The following CSNK1A1 variants were observed in gnomAD, a reference collection of about 807,000 sequenced individuals.
CSNK1A1 encodes casein kinase 1 alpha 1.
In CSNK1A1, 7 loss-of-function variants were observed where a neutral mutation model predicts 46.1. The ratio of observed to expected loss-of-function variants is 0.15; its 90% CI spans 0.09 to 0.29. The LOEUF (loss-of-function observed/expected upper bound fraction) is 0.29, where lower values mean the gene tolerates loss of function less well. Ranked by LOEUF, CSNK1A1 falls within the 10% of genes least tolerant of loss-of-function variation. The pLI, the probability that CSNK1A1 is intolerant of heterozygous loss-of-function variation, is 1.00. For missense variants in CSNK1A1, 96 were observed against 417.1 expected, an observed-to-expected ratio of 0.23 and a Z score of 6.71; for synonymous variants, 137 against 141.5, an observed-to-expected ratio of 0.97 and a Z score of 0.23.
At position 149,550,289 on chromosome 5, in the gene CSNK1A1, G is replaced by A. The variant is rs541391716; in HGVS notation, c.124-108C>T. 16 of 1,500,278 alleles carry A rather than the reference G, an allele frequency of 1.1e-5. No homozygotes were observed. The highest frequency in any genetic ancestry group is 4.7e-5 in the East Asian group (2 of 42,510). The allele number at this position is 1,500,278 out of a possible 1,614,324, so 92.9% of individuals were successfully genotyped here. On this transcript the variant is annotated intron_variant, in intron 1 of 9. Transcript: ENST00000377843. This position sits in a 1 kb window ranked among gnomAD's most constrained non-coding sequence, Gnocchi z 4.3. Reference sequence around the variant, plus strand: ...CTCCAAGTCGCGACTACAAGAAGAAGTGAAAAGCTGGAAAGAGAAAGCTCT... The same window carrying A: ...CTCCAAGTCGCGACTACAAGAAGAAATGAAAAGCTGGAAAGAGAAAGCTCT...
rs1330579942 is a variant in CSNK1A1 at position 149,542,688 on chromosome 5, ATATATTT to A, written c.230+7380_230+7386del. Among the ~76,000 whole-genome samples, 6 of 20,208 alleles carry A rather than the reference ATATATTT, an allele frequency of 3.0e-4. 1 individual carries two copies. Among genetic ancestry groups the A allele is most frequent in the South Asian group, 2.1e-3 (1 of 484 alleles). The allele number at this position is 20,208 out of a possible 152,430, so 13.3% of individuals were successfully genotyped here. On this transcript the variant is annotated intron_variant, in intron 2 of 9. Coordinates refer to ENST00000377843, the MANE Select transcript of CSNK1A1 (RefSeq NM_001892.6). ...TATATATATGTATATATATATATAT[ATATATTT>A]TTTTTTTTTTTTTTTTTTGAGACAG...
chr5:149,542,306 G>A (rs948923637), intron 2 of CSNK1A1, among the ~76,000 whole-genome samples: 3 of 151,806 alleles, frequency 2.0e-5, no homozygotes, highest in African/African-American at 4.8e-5. Flanking sequence ...AGCAAGCCCA[G>A]GGCTCCCATT....
chr5:149,544,129 A>T lies in CSNK1A1; in HGVS notation c.230+5946T>A, dbSNP rs913055238. 2.8e-4 allele frequency among the ~76,000 whole-genome samples: 43 copies of T among 152,336 alleles called. 1 individual carries two copies. The highest frequency in any genetic ancestry group is 9.9e-4 in the African/African-American group (41 of 41,586). ...CCCTACCCAAAAGCTCAGTATGCAAAGGCAAATGGAAATGAGTATTTAGCT... is the reference window on the plus strand; with the variant it reads ...CCCTACCCAAAAGCTCAGTATGCAATGGCAAATGGAAATGAGTATTTAGCT... On this transcript the variant is annotated intron_variant, in intron 2 of 9. Transcript: ENST00000377843.
chr5:149,503,991 CTGTT>C (rs776071962), intron 9 of CSNK1A1: 5 of 985,434 alleles, frequency 5.1e-6, no homozygotes, highest in Non-Finnish European at 3.6e-6. Flanking sequence ...GTTAGAGACT[CTGTT>C]TGGTCTTACC....
At chr5:149,520,681 T>A (rs1234992223) in intron 3 of CSNK1A1, among the ~76,000 whole-genome samples, 1 of 152,194 alleles carries the variant, frequency 6.6e-6, no homozygotes, top group Non-Finnish European at 1.5e-5. Flanking sequence ...AAGGAATACC[T>A]GTATAATAGT....
At chr5:149,539,563 T>C (rs1304787475) in intron 2 of CSNK1A1, among the ~76,000 whole-genome samples, 4 of 151,990 alleles carry the variant, frequency 2.6e-5, no homozygotes, top group African/African-American at 9.7e-5. Flanking sequence ...AAAGCAAAAA[T>C]TATTGTTATT....
chr5:149,539,582 ATATAC>A (rs1435626396), intron 2 of CSNK1A1, among the ~76,000 whole-genome samples: 1 of 152,132 alleles, frequency 6.6e-6, no homozygotes, highest in East Asian at 1.9e-4. Flanking sequence ...TTAATTATTA[ATATAC>A]TATATTTTGG....
chr5:149,503,976 C>G (rs1395406637), intron 9 of CSNK1A1: 1 of 985,256 alleles, frequency 1.0e-6, no homozygotes, highest in East Asian at 1.1e-4. Context: ...GTAACAAGTC[C>G]TTGGGTTAGA....
At chr5:149,523,246 G>C (rs1368128236) in intron 3 of CSNK1A1, among the ~76,000 whole-genome samples, 6 of 152,030 alleles carry the variant, frequency 3.9e-5, no homozygotes, top group African/African-American at 1.5e-4. Context: ...CACTATGTTG[G>C]CCAGGCTGGT....
At chr5:149,506,815 T>G (rs114688286) in intron 8 of CSNK1A1, among the ~76,000 whole-genome samples, 3,673 of 152,332 alleles carry the variant, frequency 0.024, 75 homozygotes, top group East Asian at 0.09. Context: ...TTGAGTATGA[T>G]TCAACTCTCT....
chr5:149,506,601 C>A lies in CSNK1A1; in HGVS notation c.857+426G>T, dbSNP rs61411011. Among the ~76,000 whole-genome samples, 333 of 152,200 alleles carry A rather than the reference C, an allele frequency of 2.2e-3. 1 individual carries two copies. Among genetic ancestry groups the A allele is most frequent in the African/African-American group, 7.2e-3 (301 of 41,532 alleles). Reference sequence around the variant, plus strand: ...GAGCCACATGTAATCTATTCCCCCCCCTTTTTCAAGACCAGTTCTGGGTTG... The same window carrying A: ...GAGCCACATGTAATCTATTCCCCCCACTTTTTCAAGACCAGTTCTGGGTTG... On this transcript the variant is annotated intron_variant, in intron 8 of 9. Transcript: ENST00000377843.
intron 9 of CSNK1A1, chr5:149,499,210 A>G (rs1227148432): frequency 1.0e-6 from 1 of 983,248 alleles, no homozygotes; most frequent in African/African-American, 1.8e-5. Context: ...CTTGCAGATT[A>G]GGTGGCTCAT....
At chr5:149,499,210 AG>A (rs1350379502) in intron 9 of CSNK1A1, 36 of 983,248 alleles carry the variant, frequency 3.7e-5, no homozygotes, top group Non-Finnish European at 4.2e-5. Context: ...CTTGCAGATT[AG>A]GTGGCTCATC....
intron 4 of CSNK1A1, among the ~76,000 whole-genome samples, chr5:149,514,631 A>C (rs1761343141): frequency 6.6e-6 from 1 of 152,142 alleles, no homozygotes; most frequent in Admixed American, 6.5e-5. Flanking sequence ...TGATCACCTA[A>C]CCTGCAGATT....
intron 2 of CSNK1A1, among the ~76,000 whole-genome samples, chr5:149,534,531 C>T (rs1762002087): frequency 6.7e-6 from 1 of 149,132 alleles, no homozygotes; most frequent in African/African-American, 2.5e-5. Flanking sequence ...AAAATGTTAG[C>T]ACCTGGGCTA....
At chr5:149,497,597 A>G (rs1224948776) in intron 9 of CSNK1A1, 1 of 985,332 alleles carries the variant, frequency 1.0e-6, no homozygotes, top group Non-Finnish European at 1.2e-6. Context: ...ACCACACTTT[A>G]TCTACAGCTA....
At position 149,505,516 on chromosome 5, in the gene CSNK1A1, T is replaced by C; in HGVS notation, c.937A>G (p.Ser313Gly). ...GTTTGGGCCTGCTGACCCTGCCCAC[T>C]GGAAGAGGCTGCCTGCTGTGCTGCT... Reference protein sequence around the residue: ...QKAAQQAASSSGQGQQAQTPT... With the variant: ...QKAAQQAASSGGQGQQAQTPT... The change falls in exon 9 of 10, where the codon AGT becomes GGT. Residue 313 changes from serine to glycine, a missense_variant. Physicochemically the swap from Ser to Gly is moderately conservative, Grantham distance 56 (BLOSUM62 0). Coordinates refer to ENST00000377843, the MANE Select transcript of CSNK1A1 (RefSeq NM_001892.6). 1 of 1,614,160 alleles carries C rather than the reference T, an allele frequency of 6.2e-7. No individual in the cohort carries two copies. Among genetic ancestry groups the C allele is most frequent in the Non-Finnish European group, 8.5e-7 (1 of 1,180,022 alleles).
rs568550566 is a variant in CSNK1A1, at chr5:149,517,466, C to T, written c.456+2824G>A. Among the ~76,000 whole-genome samples, 41 of 152,220 alleles carry T rather than the reference C, an allele frequency of 2.7e-4. No homozygotes were observed. Among genetic ancestry groups the T allele is most frequent in the African/African-American group, 9.6e-4 (40 of 41,532 alleles). ...CTCCAAATAAATTTTTAAAAACTAA[C>T]GATCTATCTCAAGTTTACTATTAGG... On this transcript the variant is annotated intron_variant, in intron 4 of 9. Transcript: ENST00000377843. This position sits in a 1 kb window ranked among gnomAD's most constrained non-coding sequence, Gnocchi z 4.4.
intron 3 of CSNK1A1, among the ~76,000 whole-genome samples, chr5:149,520,687 A>T (rs1400355837): frequency 6.6e-6 from 1 of 152,208 alleles, no homozygotes; most frequent in African/African-American, 2.4e-5. Context: ...TACCTGTATA[A>T]TAGTTTCAGT....
Sources: gnomAD v4.1 joint callset for allele counts (sites outside exome capture counted in the v4.1 genomes callset) on GRCh38, gnomAD v4.1.1 for gene constraint, Gnocchi (gnomAD v3.1) non-coding constraint, MANE v1.5 for transcripts, NCBI Gene and HGNC (gene_info 2026-07-23, HGNC 2026-07-21) for gene names.